Variants in PIP5K1B observed in about 807,000 individuals in gnomAD.
The protein encoded by PIP5K1B is phosphatidylinositol-4-phosphate 5-kinase type 1 beta.
PIP5K1B carries 42 observed loss-of-function variants against 67.0 expected under a neutral mutation model. That is an observed-to-expected ratio of 0.63 (90% CI 0.49 to 0.81). PIP5K1B has a LOEUF of 0.81. PIP5K1B is among the 30% of genes least tolerant of loss of function. The probability of loss-of-function intolerance (pLI) is 0.00; values close to 1 mark genes in which losing one functional copy is unlikely to be tolerated. For synonymous variants in PIP5K1B, 214 were observed against 231.4 expected, an observed-to-expected ratio of 0.92 and a Z score of 0.68; for missense variants, 459 against 646.3, an observed-to-expected ratio of 0.71 and a Z score of 3.14.
At chr9:68,729,831 A>G (rs1303529387) in intron 1 of PIP5K1B, among the ~76,000 whole-genome samples, 2 of 152,134 alleles carry the variant, frequency 1.3e-5, no homozygotes, top group African/African-American at 4.8e-5. Context: ...ATTAGTATAT[A>G]CTTCCTAAAG....
intron 12 of PIP5K1B, among the ~76,000 whole-genome samples, chr9:68,930,331 C>T (rs1437100863): frequency 6.6e-6 from 1 of 152,126 alleles, no homozygotes; most frequent in Admixed American, 6.6e-5. Context: ...GCTCAGCATG[C>T]CCAAAATTGA....
intron 2 of PIP5K1B, among the ~76,000 whole-genome samples, chr9:68,756,539 A>G (rs1199359221): frequency 6.6e-6 from 1 of 152,226 alleles, no homozygotes; most frequent in Non-Finnish European, 1.5e-5. Flanking sequence ...TTGCATTTCA[A>G]TTAATTGAAA....
intron 14 of PIP5K1B, among the ~76,000 whole-genome samples, chr9:68,981,956 G>C (rs921447089): frequency 6.6e-6 from 1 of 152,190 alleles, no homozygotes; most frequent in African/African-American, 2.4e-5. Flanking sequence ...CACAGAGCCC[G>C]GGAAGAGTAC....
intron 15 of PIP5K1B, among the ~76,000 whole-genome samples, chr9:68,999,959 C>T (rs1009879204): frequency 7.2e-5 from 11 of 152,146 alleles, no homozygotes; most frequent in African/African-American, 1.4e-4. Context: ...GGTCAGCAGG[C>T]GGCGGGGGTA....
chr9:68,725,109 G>A (rs758609437), intron 1 of PIP5K1B, among the ~76,000 whole-genome samples: 1 of 152,050 alleles, frequency 6.6e-6, no homozygotes, highest in African/African-American at 2.4e-5. Context: ...ATGTCTTTTG[G>A]CAGTTCCACT....
intron 2 of PIP5K1B, among the ~76,000 whole-genome samples, chr9:68,778,171 C>A (rs1213121274): frequency 6.6e-6 from 1 of 152,168 alleles, no homozygotes; most frequent in African/African-American, 2.4e-5. Flanking sequence ...GTCCTTGATT[C>A]AAATTGGTTC....
intron 2 of PIP5K1B, among the ~76,000 whole-genome samples, chr9:68,814,011 C>A (rs2132036668): frequency 6.6e-6 from 1 of 152,242 alleles, no homozygotes; most frequent in East Asian, 1.9e-4. Context: ...GGAAGGCGCA[C>A]AAAATGAAAG....
intron 14 of PIP5K1B, among the ~76,000 whole-genome samples, chr9:68,952,871 C>CTATTAT (rs889603093): frequency 6.0e-5 from 9 of 149,690 alleles, no homozygotes; most frequent in Non-Finnish European, 8.9e-5. Context: ...TTCTTTCTTC[C>CTATTAT]TATTATTATT....
At chr9:68,925,744 A>G (rs957893015) in intron 12 of PIP5K1B, among the ~76,000 whole-genome samples, 2 of 143,790 alleles carry the variant, frequency 1.4e-5, no homozygotes, top group Admixed American at 1.4e-4. Flanking sequence ...AGACTATAAG[A>G]TAGTGTTTAT....
chr9:68,830,777 G>A (rs898066560), intron 4 of PIP5K1B, among the ~76,000 whole-genome samples: 2 of 152,176 alleles, frequency 1.3e-5, no homozygotes, highest in Non-Finnish European at 1.5e-5. Flanking sequence ...CAGTGGGGCC[G>A]TCTGAACTGT....
At chr9:68,848,338 C>T (rs944819928) in intron 4 of PIP5K1B, among the ~76,000 whole-genome samples, 2 of 152,226 alleles carry the variant, frequency 1.3e-5, no homozygotes, top group African/African-American at 2.4e-5. Flanking sequence ...CAGGTCCTTT[C>T]TGGCCCTACA....
intron 4 of PIP5K1B, among the ~76,000 whole-genome samples, chr9:68,857,722 C>T (rs950606294): frequency 6.6e-6 from 1 of 152,060 alleles, no homozygotes; most frequent in African/African-American, 2.4e-5. Context: ...AAAAGATTAG[C>T]CAGGCATGGT....
Position 68,891,827 on chromosome 9 carries a change from A to G in PIP5K1B, c.472-2512A>G, listed in dbSNP as rs191428482. ...CATTATATTCCATTATATAGATGAT[A>G]TAGAGTGGGAGAATATAAGGGAAAA... On this transcript the variant is annotated intron_variant, in intron 7 of 15. Coordinates refer to ENST00000265382, the MANE Select transcript of PIP5K1B (RefSeq NM_003558.4). Among the ~76,000 whole-genome samples, 476 of 152,266 alleles carry G rather than the reference A, an allele frequency of 3.1e-3. 1 individual carries two copies. Among genetic ancestry groups the G allele is most frequent in the Admixed American group, 4.8e-3 (73 of 15,298 alleles).
chr9:68,788,004 C>G (rs753749559), intron 2 of PIP5K1B, among the ~76,000 whole-genome samples: 15 of 152,180 alleles, frequency 9.9e-5, no homozygotes, highest in Admixed American at 7.2e-4. Context: ...TAAAGCCAAG[C>G]AAGCAACAAA....
intron 12 of PIP5K1B, among the ~76,000 whole-genome samples, chr9:68,932,436 C>T (rs1827049797): frequency 6.6e-6 from 1 of 151,806 alleles, no homozygotes; most frequent in African/African-American, 2.4e-5. Flanking sequence ...TAATTCTTAC[C>T]AGTTAACAAA....
chr9:68,960,841 C>T (rs1392127772), intron 14 of PIP5K1B, among the ~76,000 whole-genome samples: 1 of 152,072 alleles, frequency 6.6e-6, no homozygotes, highest in Non-Finnish European at 1.5e-5. Context: ...TAGCTTTTTT[C>T]GATATTTTCG....
At chr9:68,899,749 C>T (rs1825268510) in intron 8 of PIP5K1B, among the ~76,000 whole-genome samples, 2 of 152,126 alleles carry the variant, frequency 1.3e-5, no homozygotes, top group Non-Finnish European at 2.9e-5. Context: ...TGTAAATGGT[C>T]ATTAGACTTT....
intron 6 of PIP5K1B, among the ~76,000 whole-genome samples, chr9:68,882,084 C>T (rs1369977612): frequency 6.6e-6 from 1 of 151,826 alleles, no homozygotes; most frequent in African/African-American, 2.4e-5. Flanking sequence ...CAGGGAGACC[C>T]TGCAGGAAAT....
At chr9:68,936,359 C>T (rs1467121224) in intron 13 of PIP5K1B, among the ~76,000 whole-genome samples, 2 of 125,048 alleles carry the variant, frequency 1.6e-5, no homozygotes, top group Non-Finnish European at 3.5e-5. Context: ...TTTTTTTATT[C>T]CTACTTTGCT....
Sources: allele counts gnomAD v4.1 joint callset (sites outside exome capture counted in the v4.1 genomes callset), GRCh38; gene constraint gnomAD v4.1.1; transcripts MANE v1.5; gene names NCBI Gene and HGNC (gene_info 2026-07-23, HGNC 2026-07-21).